Variants in GART observed in about 807,000 individuals in gnomAD.
GART encodes phosphoribosylglycinamide formyltransferase, phosphoribosylglycinamide synthetase, phosphoribosylaminoimidazole synthetase, also known as trifunctional purine biosynthetic protein adenosine-3.
A neutral mutation model predicts 107.2 loss-of-function variants in GART; 43 were observed. That is an observed-to-expected ratio of 0.40 (90% confidence interval 0.31 to 0.52). The LOEUF is 0.52. Among genes scored for constraint, GART ranks in the 20% least tolerant of loss-of-function variants. The pLI, the probability that GART is intolerant of heterozygous loss-of-function variation, is 0.52. For synonymous variants in GART, 434 were observed against 427.0 expected, an observed-to-expected ratio of 1.02 and a Z score of -0.20; for missense variants, 1,107 against 1,206.5, an observed-to-expected ratio of 0.92 and a Z score of 1.22.
intron 12 of GART, 65 bp downstream of exon 12, chr21:33,522,122 TA>T: frequency 7.9e-7 from 1 of 1,263,568 alleles, no homozygotes; most frequent in Non-Finnish European, 1.2e-6. Flanking sequence ...CTGTTAAATA[TA>T]AAACCCAAAT....
rs1386562743 is a variant in GART, at chr21:33,511,295, C to T, written c.2271G>A (p.Lys757=). Residue 757 remains lysine, a synonymous_variant, in exon 17 of 22, where the codon AAG becomes AAA. Coordinates refer to ENST00000381815, the MANE Select transcript of GART (RefSeq NM_000819.5). ...CACTGCCAATCACCCAGGCTTCTTC[C>T]TTGTGCTGCTGGATATCCCTCAGAA... ...EQILRDIQQH[K]EEAWVIGSVV... is the part of the protein sequence containing the mutation. The T allele has an allele frequency of 6.2e-7, 1 of 1,614,060 alleles. No individual in the cohort carries two copies. The highest frequency in any genetic ancestry group is 2.2e-5 in the East Asian group (1 of 44,890).
chr21:33,518,697 C>T lies in GART; in HGVS notation c.1703-1089G>A, dbSNP rs868074943. On this transcript the variant is annotated intron_variant, in intron 14 of 21. Coordinates refer to ENST00000381815, the MANE Select transcript of GART (RefSeq NM_000819.5). Reference sequence around the variant, plus strand: ...ATTCAGTTTGCCTCATTCTTAATAGCCTCATCAAAACTCCTTACAAGATCT... The same window carrying T: ...ATTCAGTTTGCCTCATTCTTAATAGTCTCATCAAAACTCCTTACAAGATCT... 9 of 440,888 alleles carry T rather than the reference C, an allele frequency of 2.0e-5. 1 individual carries two copies. The highest frequency in any genetic ancestry group is 2.7e-5 in the Non-Finnish European group (6 of 223,784). 27.3% of individuals were successfully genotyped at this position (440,888 alleles called of 1,614,324 possible). A position where few individuals can be genotyped will look rare whatever the true frequency, so the allele number is the denominator to read the frequency against.
chr21:33,524,814 C>T lies in GART; in HGVS notation c.1253G>A (p.Arg418Lys). 1 of 1,614,232 alleles carries T rather than the reference C, an allele frequency of 6.2e-7. No homozygotes were observed. Among genetic ancestry groups the T allele is most frequent in the Non-Finnish European group, 8.5e-7 (1 of 1,180,034 alleles). The stretch of plus-strand genomic sequence containing the variant: ...TATGGCACGAAAGCCGACGTCTTTC[C>T]TATAAATTGCTCCCTCAAACTTTAT... ...AAIKFEGAIYRKDVGFRAIAF... is the reference protein window; with the variant it reads ...AAIKFEGAIYKKDVGFRAIAF... The change falls in exon 11 of 22, where the codon AGG becomes AAG. Residue 418 changes from arginine (R) to lysine (K), a missense_variant. Coordinates refer to ENST00000381815, the MANE Select transcript of GART (RefSeq NM_000819.5).
intron 10 of GART, among the ~76,000 whole-genome samples, chr21:33,526,327 C>T (rs149833553): frequency 9.7e-4 from 147 of 152,164 alleles, no homozygotes; most frequent in African/African-American, 3.4e-3. Flanking sequence ...TGCACCACCA[C>T]ATTTGGCTAA....
chr21:33,532,539 TGCTATA>T, intron 4 of GART, 83 bp from the exon 5 acceptor site: 2 of 1,005,382 alleles, frequency 2.0e-6, no homozygotes, highest in East Asian at 4.7e-5. Flanking sequence ...TGTAACGATA[TGCTATA>T]GCAATGACTG....
chr21:33,507,810 C>T (rs528317958), intron 18 of GART, among the ~76,000 whole-genome samples: 12 of 151,632 alleles, frequency 7.9e-5, no homozygotes, highest in Non-Finnish European at 1.6e-4. Context: ...CCAGCCTGGG[C>T]GACAGAGTGA....
At chr21:33,539,472 C>A in intron 1 of GART, 116 bp from the exon 2 acceptor site, 1 of 616,564 alleles carries the variant, frequency 1.6e-6, no homozygotes, top group Admixed American at 3.6e-5. Flanking sequence ...GCAGGTGGAT[C>A]ACTTGAGGTC....
chr21:33,511,051 G>A lies in GART; in HGVS notation c.2314+201C>T, dbSNP rs529369667. On this transcript the variant is annotated intron_variant, in intron 17 of 21. Transcript: ENST00000381815. ...CTGTGGGGTGTGGCTGTGCATGCAT[G>A]AATGCTTAGTTCTGAGGCAGAAATG... Among the ~76,000 whole-genome samples, 17 of 152,222 alleles carry A rather than the reference G, an allele frequency of 1.1e-4. No homozygotes were observed. In the East Asian group the frequency reaches 2.9e-3, roughly 26 times the overall value.
At position 33,539,319 on chromosome 21, in the gene GART, T is replaced by G. The variant is rs1423506081; in HGVS notation, c.-4A>C. On this transcript the variant is annotated 5_prime_UTR_variant, in exon 2 of 22. Transcript: ENST00000381815. ...TTATAAGTACTCGGGCTGCCATTGT[T>G]CTGTCTGTAAAGCAGAAATTCCAAA... The G allele has an allele frequency of 1.2e-6, 2 of 1,608,396 alleles. No homozygotes were observed. Among genetic ancestry groups the G allele is most frequent in the Non-Finnish European group, 1.7e-6 (2 of 1,178,424 alleles).
chr21:33,524,334 G>A (rs1009903999), intron 11 of GART: 85 of 898,874 alleles, frequency 9.5e-5, no homozygotes, highest in Non-Finnish European at 9.9e-5. Context: ...AGGATCACTT[G>A]AGCCCAGGAT....
At chr21:33,530,587 G>C in intron 7 of GART, 172 bp downstream of exon 7, 2 of 604,318 alleles carry the variant, frequency 3.3e-6, no homozygotes, top group Non-Finnish European at 2.4e-6. Flanking sequence ...AAGGCTTTTA[G>C]GAAAAGTTAG....
intron 18 of GART, among the ~76,000 whole-genome samples, chr21:33,507,539 G>C (rs2084703651): frequency 6.6e-6 from 1 of 152,172 alleles, no homozygotes; most frequent in South Asian, 2.1e-4. Flanking sequence ...AACTGGAAGA[G>C]GCTGGATGTG....
chr21:33,504,534 A>T lies in GART; in HGVS notation c.2726-7T>A, dbSNP rs1009651637. The stretch of plus-strand genomic sequence containing the variant: ...TGGATATTGAGCATTTTTCCTAAAA[A>T]TTAAAAAAAGCATAGTGGTCAGAAT... On this transcript the variant is annotated splice_region_variant and splice_polypyrimidine_tract_variant and intron_variant, in intron 20 of 21. Transcript: ENST00000381815. The T allele has an allele frequency of 6.8e-5, 108 of 1,593,174 alleles. No homozygotes were observed. Among genetic ancestry groups the T allele is most frequent in the Non-Finnish European group, 8.7e-5 (101 of 1,162,436 alleles).
intron 16 of GART, among the ~76,000 whole-genome samples, chr21:33,512,437 C>T (rs2084802438): frequency 6.6e-6 from 1 of 151,572 alleles, no homozygotes; most frequent in South Asian, 2.1e-4. Flanking sequence ...TCTTTGGAAT[C>T]TACGATTATG....
Position 33,517,348 on chromosome 21 carries a change from G to A in GART, c.1954+9C>T, listed in dbSNP as rs2084896930. ...CCAAGCAGGACAGTTTAAACATGAGGGAGTTTACCTAAAGTCTGGTCACCA... is the reference window on the plus strand; with the variant it reads ...CCAAGCAGGACAGTTTAAACATGAGAGAGTTTACCTAAAGTCTGGTCACCA... On this transcript the variant is annotated intron_variant, in intron 15 of 21. Coordinates refer to ENST00000381815, the MANE Select transcript of GART (RefSeq NM_000819.5). 6 of 1,613,924 alleles carry A rather than the reference G, an allele frequency of 3.7e-6. No homozygotes were observed. The highest frequency in any genetic ancestry group is 4.2e-6 in the Non-Finnish European group (5 of 1,179,996).
rs376228008 is a variant in GART, at chr21:33,506,136, T to C, written c.2453-32A>G. Reference sequence around the variant, plus strand: ...AGGGAGAAAAACAGCAGTGAGCTCATACTACTACTTCTTTTTTTTTTTTTG... The same window carrying C: ...AGGGAGAAAAACAGCAGTGAGCTCACACTACTACTTCTTTTTTTTTTTTTG... On this transcript the variant is annotated intron_variant, in intron 18 of 21. Coordinates refer to ENST00000381815, the MANE Select transcript of GART (RefSeq NM_000819.5). The C allele has an allele frequency of 1.8e-5, 29 of 1,579,742 alleles. No individual in the cohort carries two copies. The African/African-American group carries it at 2.1e-4, about 11-fold the overall frequency.
rs1182907667 is a variant in GART, at chr21:33,516,938, A to G, written c.2107+51T>C. On this transcript the variant is annotated intron_variant, in intron 16 of 21. Transcript: ENST00000381815. ...TACCCATAGTTTTCTCGCACAATGC[A>G]TTTTTTTCCTCAGCAATTTTCTGAA... 4.0e-6 allele frequency: 6 copies of G among 1,508,736 alleles called. No homozygotes were observed. The African/African-American group carries it at 8.4e-5, about 21-fold the overall frequency. The allele number at this position is 1,508,736 out of a possible 1,614,324, so 93.5% of individuals were successfully genotyped here.
At chr21:33,513,108 T>C (rs1251490439) in intron 16 of GART, among the ~76,000 whole-genome samples, 1 of 13,488 alleles carries the variant, frequency 7.4e-5, no homozygotes, top group Non-Finnish European at 1.4e-4. Flanking sequence ...TGTGTCTCTG[T>C]GTGTGTGTGT....
At chr21:33,522,902 A>G (rs2145719906) in intron 11 of GART, among the ~76,000 whole-genome samples, 1 of 152,364 alleles carries the variant, frequency 6.6e-6, no homozygotes, top group South Asian at 2.1e-4. Context: ...ATCAAGTCAA[A>G]AAAGTGAAAA....
Sources: allele counts gnomAD v4.1 joint callset (sites outside exome capture counted in the v4.1 genomes callset), GRCh38; gene constraint gnomAD v4.1.1; transcripts MANE v1.5; gene names NCBI Gene and HGNC (gene_info 2026-07-23, HGNC 2026-07-21).